The following TMEM132B variants were observed in gnomAD, a reference collection of about 807,000 sequenced individuals.
TMEM132B encodes transmembrane protein 132B.
Under a neutral mutation model 90.8 loss-of-function variants are expected in TMEM132B, and 18 were observed. That is an observed-to-expected ratio of 0.20 (90% confidence interval 0.14 to 0.29). The LOEUF (loss-of-function observed/expected upper bound fraction) is 0.29, where lower values mean the gene tolerates loss of function less well. TMEM132B is among the 10% of genes least tolerant of loss of function. TMEM132B has a pLI of 1.00. For synonymous variants in TMEM132B, 504 were observed against 523.3 expected (o/e 0.96, Z 0.50); for missense variants, 1,096 against 1,326.8 (o/e 0.83, Z 2.70).
At chr12:125,367,932 A>T (rs1206203963) in intron 2 of TMEM132B, among the ~76,000 whole-genome samples, 1 of 151,478 alleles carries the variant, frequency 6.6e-6, no homozygotes, top group East Asian at 1.9e-4. Flanking sequence ...TTCTTTCTTG[A>T]TTAATCTATT....
chr12:125,343,151 C>T lies in TMEM132B; in HGVS notation c.68-6301C>T, dbSNP rs183253347. 2.8e-4 allele frequency among the ~76,000 whole-genome samples: 43 copies of T among 152,304 alleles called. 1 individual carries two copies. The highest frequency in any genetic ancestry group is 2.1e-3 in the Admixed American group (32 of 15,306). On this transcript the variant is annotated intron_variant, in intron 1 of 8. Coordinates refer to ENST00000682704, the MANE Select transcript of TMEM132B (RefSeq NM_001366854.1). ...ATGAATGACCACCTTAATCCAAGAG[C>T]ATTTGGCCCAAATTGTTGCATAGGA...
chr12:125,580,645 A>AT (rs1566079830), intron 4 of TMEM132B, among the ~76,000 whole-genome samples: 2 of 152,060 alleles, frequency 1.3e-5, no homozygotes, highest in East Asian at 1.9e-4. Context: ...ATAATTAGCC[A>AT]TTTTTTCTTG....
At chr12:125,274,308 C>T (rs1874930327) in intron 1 of TMEM132B, among the ~76,000 whole-genome samples, 1 of 152,178 alleles carries the variant, frequency 6.6e-6, no homozygotes, top group African/African-American at 2.4e-5. Flanking sequence ...GGGTTGTTGC[C>T]TGTCCTTTGC....
intron 3 of TMEM132B, among the ~76,000 whole-genome samples, chr12:125,472,671 A>G (rs561804039): frequency 6.6e-6 from 1 of 152,110 alleles, no homozygotes; most frequent in South Asian, 2.1e-4. Flanking sequence ...ACCCTCATGC[A>G]TAGTACCAGC....
intron 3 of TMEM132B, among the ~76,000 whole-genome samples, chr12:125,418,845 C>T (rs1337851242): frequency 1.3e-5 from 2 of 152,108 alleles, no homozygotes; most frequent in Non-Finnish European, 2.9e-5. Flanking sequence ...ATGAAAACCA[C>T]AAGATAAAGA....
intron 1 of TMEM132B, among the ~76,000 whole-genome samples, chr12:125,323,436 A>AAGAAAC (rs1876481405): frequency 6.6e-6 from 1 of 150,828 alleles, no homozygotes. Context: ...ACTCTGCCTC[A>AAGAAAC]AAAAACAAAA....
chr12:125,504,822 T>C (rs1241747697), intron 3 of TMEM132B, among the ~76,000 whole-genome samples: 1 of 151,984 alleles, frequency 6.6e-6, no homozygotes, highest in Non-Finnish European at 1.5e-5. Context: ...AAGCTCAGTC[T>C]TACCGGCTTG....
At chr12:125,615,774 T>C (rs1885971605) in intron 5 of TMEM132B, among the ~76,000 whole-genome samples, 1 of 152,192 alleles carries the variant, frequency 6.6e-6, no homozygotes, top group South Asian at 2.1e-4. Context: ...TGTTTTGTTT[T>C]TTACCACTGT....
At chr12:125,373,584 A>G (rs939845275) in intron 2 of TMEM132B, among the ~76,000 whole-genome samples, 1 of 152,086 alleles carries the variant, frequency 6.6e-6, no homozygotes, top group Non-Finnish European at 1.5e-5. Flanking sequence ...AGTCTACGGT[A>G]CTTCGTATGG....
Position 125,349,743 on chromosome 12 carries a change from C to T in TMEM132B, c.359C>T (p.Pro120Leu). Residue 120 changes from proline to leucine, a missense_variant, in exon 2 of 9, where the codon CCC becomes CTC. By Grantham distance (98) the Pro-to-Leu change is moderately conservative. Transcript: ENST00000682704. The surrounding 1 kb of genome is among the most constrained non-coding windows in gnomAD (Gnocchi z 4.1). Reference protein sequence around the residue: ...STAFGNMDKFPFNWKLKSHIL... With the variant: ...STAFGNMDKFLFNWKLKSHIL... ...GCCTTTGGAAACATGGACAAATTTC[C>T]CTTCAACTGGAAATTGAAATCCCAC... The T allele has an allele frequency of 6.2e-7, 1 of 1,614,228 alleles. No individual in the cohort carries two copies. The highest frequency in any genetic ancestry group is 1.3e-5 in the African/African-American group (1 of 75,050).
chr12:125,443,836 A>C (rs1880937378), intron 3 of TMEM132B, among the ~76,000 whole-genome samples: 1 of 152,090 alleles, frequency 6.6e-6, no homozygotes, highest in Non-Finnish European at 1.5e-5. Context: ...TCTTTATTCT[A>C]CTTGTTTTCT....
Position 125,655,760 on chromosome 12 carries a change from A to C in TMEM132B, c.*1050A>C, listed in dbSNP as rs972709618. On this transcript the variant is annotated 3_prime_UTR_variant, in exon 9 of 9. Coordinates refer to ENST00000682704, the MANE Select transcript of TMEM132B (RefSeq NM_001366854.1). Reference sequence around the variant, plus strand: ...AGGAAATTGCCTAGGCAATAGATGCAGATTACACTTTCCATTTTACCAGAA... The same window carrying C: ...AGGAAATTGCCTAGGCAATAGATGCCGATTACACTTTCCATTTTACCAGAA... 1 of 152,124 alleles carries C rather than the reference A, an allele frequency of 6.6e-6. No individual in the cohort carries two copies. Among genetic ancestry groups the C allele is most frequent in the Non-Finnish European group, 1.5e-5 (1 of 68,018 alleles). The allele number at this position is 152,124 out of a possible 1,614,324, so 9.4% of individuals were successfully genotyped here. A position where few individuals can be genotyped will look rare whatever the true frequency, so the allele number is the denominator to read the frequency against.
chr12:125,406,520 G>A lies in TMEM132B; in HGVS notation c.960-9011G>A, dbSNP rs1327448446. On this transcript the variant is annotated intron_variant, in intron 2 of 8. Transcript: ENST00000682704. This position sits in a 1 kb window ranked among gnomAD's most constrained non-coding sequence, Gnocchi z 8.3. Reference sequence around the variant, plus strand: ...GACTCACTGGTCTGGACTGAGCCATGCTCCTCTTTGCATTTCCAAGTGCTT... The same window carrying A: ...GACTCACTGGTCTGGACTGAGCCATACTCCTCTTTGCATTTCCAAGTGCTT... Among the ~76,000 whole-genome samples, 7 of 152,208 alleles carry A rather than the reference G, an allele frequency of 4.6e-5. No homozygotes were observed. The highest frequency in any genetic ancestry group is 1.7e-4 in the African/African-American group (7 of 41,446).
intron 5 of TMEM132B, among the ~76,000 whole-genome samples, chr12:125,628,351 G>T (rs1233397569): frequency 6.6e-6 from 1 of 152,134 alleles, no homozygotes; most frequent in Non-Finnish European, 1.5e-5. Flanking sequence ...TAACTGGGGT[G>T]AGATAATATC....
intron 1 of TMEM132B, among the ~76,000 whole-genome samples, chr12:125,289,648 T>C (rs1875477479): frequency 6.6e-6 from 1 of 152,212 alleles, no homozygotes; most frequent in African/African-American, 2.4e-5. Context: ...TTACACGTGT[T>C]AGCACATTTA....
chr12:125,648,276 G>A (rs1886818502), intron 6 of TMEM132B, among the ~76,000 whole-genome samples: 1 of 152,002 alleles, frequency 6.6e-6, no homozygotes, highest in Admixed American at 6.6e-5. Context: ...GTGTATATGT[G>A]CCACATTTTC....
intron 4 of TMEM132B, among the ~76,000 whole-genome samples, chr12:125,539,934 C>T (rs1883909515): frequency 6.6e-6 from 1 of 152,142 alleles, no homozygotes; most frequent in Non-Finnish European, 1.5e-5. Flanking sequence ...TGAAAGCAGT[C>T]ACTGATGTAG....
chr12:125,492,591 G>A lies in TMEM132B; in HGVS notation c.1107-26848G>A, dbSNP rs2136562205. Reference sequence around the variant, plus strand: ...CTCCTGGAGGCAGGTGCGTCCAGGGGCCCTGGGTGAGGAGGCTACGGCAGC... The same window carrying A: ...CTCCTGGAGGCAGGTGCGTCCAGGGACCCTGGGTGAGGAGGCTACGGCAGC... On this transcript the variant is annotated intron_variant, in intron 3 of 8. Coordinates refer to ENST00000682704, the MANE Select transcript of TMEM132B (RefSeq NM_001366854.1). The surrounding 1 kb of genome is among the most constrained non-coding windows in gnomAD (Gnocchi z 5.8). 6.6e-6 allele frequency among the ~76,000 whole-genome samples: 1 copy of A among 152,234 alleles called. No individual in the cohort carries two copies. Among genetic ancestry groups the A allele is most frequent in the East Asian group, 1.9e-4 (1 of 5,164 alleles).
chr12:125,325,669 CTGTGTGTGTG>C (rs59220510), intron 1 of TMEM132B, among the ~76,000 whole-genome samples: 10,873 of 124,230 alleles, frequency 0.088, 454 homozygotes, highest in African/African-American at 0.13. Flanking sequence ...GCCTCCCACC[CTGTGTGTGTG>C]TGTGTGTGTG....
Sources: allele counts gnomAD v4.1 joint callset (sites outside exome capture counted in the v4.1 genomes callset), GRCh38; gene constraint gnomAD v4.1.1; non-coding constraint Gnocchi (gnomAD v3.1); transcripts MANE v1.5; gene names NCBI Gene and HGNC (gene_info 2026-07-23, HGNC 2026-07-21).